TULP4: variants seen among roughly 807,000 people sequenced by gnomAD.
The protein encoded by TULP4 is TUB like protein 4, also known as tubby-related protein 4.
In TULP4, 16 loss-of-function variants were observed where a neutral mutation model predicts 129.0. The ratio of observed to expected loss-of-function variants is 0.12; its 90% CI spans 0.08 to 0.19. The LOEUF is 0.19. Among genes scored for constraint, TULP4 ranks in the 10% least tolerant of loss-of-function variants. The pLI is 1.00. For missense variants in TULP4, 1,842 were observed against 2,059.1 expected, an observed-to-expected ratio of 0.89 and a Z score of 2.04; for synonymous variants, 998 against 854.0, an observed-to-expected ratio of 1.17 and a Z score of -2.94.
At chr6:158,484,743 C>T (rs770545645) in intron 8 of TULP4, among the ~76,000 whole-genome samples, 1 of 152,222 alleles carries the variant, frequency 6.6e-6, no homozygotes, top group Admixed American at 6.5e-5. Flanking sequence ...AGGAAGCAGG[C>T]GTTGTCACCC....
chr6:158,495,204 C>T (rs1780306260), intron 11 of TULP4, among the ~76,000 whole-genome samples: 1 of 152,074 alleles, frequency 6.6e-6, no homozygotes, highest in African/African-American at 2.4e-5. Context: ...AGGTTCGCGC[C>T]ACCATGCCCG....
chr6:158,305,519 A>G (rs1779204617), intron 1 of TULP4, among the ~76,000 whole-genome samples: 1 of 151,188 alleles, frequency 6.6e-6, no homozygotes, highest in African/African-American at 2.4e-5. Flanking sequence ...GGGCAATATA[A>G]TAAGACCCTG....
chr6:158,376,205 A>G (rs936120763), intron 1 of TULP4, among the ~76,000 whole-genome samples: 3 of 152,172 alleles, frequency 2.0e-5, no homozygotes, highest in African/African-American at 7.2e-5. Flanking sequence ...AAAAAGCGGT[A>G]ACCATTTCTC....
At chr6:158,300,977 A>G (rs894606809) in intron 1 of TULP4, among the ~76,000 whole-genome samples, 7 of 152,216 alleles carry the variant, frequency 4.6e-5, no homozygotes, top group African/African-American at 1.7e-4. Flanking sequence ...AGTCGACCTT[A>G]TCGTTACCAG....
chr6:158,242,415 C>T (rs1583668788), intron 1 of TULP4: 13 of 1,269,344 alleles, frequency 1.0e-5, no homozygotes, highest in Admixed American at 1.0e-4. Flanking sequence ...GTGGGAGTTT[C>T]GGACGAGATC....
intron 1 of TULP4, among the ~76,000 whole-genome samples, chr6:158,344,370 G>A (rs961208949): frequency 1.3e-5 from 2 of 152,178 alleles, no homozygotes; most frequent in African/African-American, 4.8e-5. Flanking sequence ...GTTTTACTGA[G>A]CTTCCCTTTA....
chr6:158,308,761 AC>A (rs1196273252), upstream of TULP4, among the ~76,000 whole-genome samples: 3 of 127,444 alleles, frequency 2.4e-5, no homozygotes, highest in South Asian at 2.5e-4. Context: ...CGGGGGGCTG[AC>A]CCCCCCACCT....
At chr6:158,317,816 C>A (rs1414086359) in intron 1 of TULP4, among the ~76,000 whole-genome samples, 2 of 152,122 alleles carry the variant, frequency 1.3e-5, no homozygotes, top group Non-Finnish European at 2.9e-5. Flanking sequence ...CTCTCCAGCA[C>A]CTGTTGTTTC....
intron 1 of TULP4, among the ~76,000 whole-genome samples, chr6:158,400,965 T>G (rs705942): frequency 0.48 from 72,495 of 151,944 alleles, 18,105 homozygotes; most frequent in African/African-American, 0.63. Flanking sequence ...CTCAAGTAAG[T>G]AAGCAGAAAA....
chr6:158,350,184 G>A (rs1427867194), intron 1 of TULP4, among the ~76,000 whole-genome samples: 2 of 151,494 alleles, frequency 1.3e-5, no homozygotes, highest in Non-Finnish European at 2.9e-5. Context: ...CCGGGCAGAG[G>A]CTCTCCTCAC....
chr6:158,476,645 A>G (rs1168184592), intron 6 of TULP4, among the ~76,000 whole-genome samples: 2 of 152,118 alleles, frequency 1.3e-5, no homozygotes, highest in African/African-American at 2.4e-5. Context: ...AACCCCGCAG[A>G]TCATTTATTT....
intron 9 of TULP4, among the ~76,000 whole-genome samples, chr6:158,491,637 C>T (rs1227021555): frequency 6.6e-6 from 1 of 151,524 alleles, no homozygotes; most frequent in African/African-American, 2.4e-5. Flanking sequence ...GGACTACAGG[C>T]TTGTGCCACA....
chr6:158,311,504 G>A (rs1408386668), upstream of TULP4, among the ~76,000 whole-genome samples: 1 of 152,198 alleles, frequency 6.6e-6, no homozygotes, highest in Non-Finnish European at 1.5e-5. Flanking sequence ...TTTATTGCTG[G>A]TAGACCACAT....
chr6:158,361,406 G>A (rs1780785869), intron 1 of TULP4, among the ~76,000 whole-genome samples: 2 of 152,198 alleles, frequency 1.3e-5, no homozygotes, highest in African/African-American at 2.4e-5. Context: ...TTTAAAAATA[G>A]CAATGTGTTG....
chr6:158,387,620 A>G (rs900339291), intron 1 of TULP4, among the ~76,000 whole-genome samples: 1 of 152,160 alleles, frequency 6.6e-6, no homozygotes, highest in Non-Finnish European at 1.5e-5. Flanking sequence ...GACACTGCCA[A>G]TATTTTACTA....
At chr6:158,401,325 C>T (rs1311061502) in intron 1 of TULP4, among the ~76,000 whole-genome samples, 2 of 152,146 alleles carry the variant, frequency 1.3e-5, no homozygotes, top group African/African-American at 2.4e-5. Context: ...CTGTCAGCCT[C>T]GGCCTCCCAA....
chr6:158,327,772 CACCACCCAGAT>C (rs1779779264), intron 1 of TULP4, among the ~76,000 whole-genome samples: 1 of 151,612 alleles, frequency 6.6e-6, no homozygotes, highest in Admixed American at 6.6e-5. Flanking sequence ...ATCTCCCCAC[CACCACCCAGAT>C]TTTTTATAAT....
intron 1 of TULP4, among the ~76,000 whole-genome samples, chr6:158,272,976 G>A (rs546586367): frequency 8.7e-4 from 132 of 152,194 alleles, no homozygotes; most frequent in Non-Finnish European, 1.3e-3. Flanking sequence ...TGGGAATCTG[G>A]TCCGATCTTG....
In TULP4 at chr6:158,481,074, A is replaced by G. The variant is rs1779931974; in HGVS notation, c.1271A>G (p.Asn424Ser). The G allele has an allele frequency of 6.3e-7, 1 of 1,577,850 alleles. No homozygotes were observed. Among genetic ancestry groups the G allele is most frequent in the South Asian group, 1.2e-5 (1 of 86,228 alleles). ...PTIKPPIPDP[N>S]NMRDFVSYPS... ...CTCCAGCCCCCAATTCCAGATCCGA[A>G]CAACATGAGAGACTTTGTCAGCTAC... Residue 424 changes from asparagine to serine, a missense_variant, in exon 8 of 14, where the codon AAC (asparagine) becomes AGC (serine). Asn to Ser is a conservative substitution (Grantham distance 46, BLOSUM62 1). Coordinates refer to ENST00000367097, the MANE Select transcript of TULP4 (RefSeq NM_020245.5).
Sources: gnomAD v4.1 joint callset for allele counts (sites outside exome capture counted in the v4.1 genomes callset) on GRCh38, gnomAD v4.1.1 for gene constraint, MANE v1.5 for transcripts, NCBI Gene and HGNC (gene_info 2026-07-23, HGNC 2026-07-21) for gene names.